BRI3: variants seen among roughly 807,000 people sequenced by gnomAD.
The protein encoded by BRI3 is brain protein I3.
A neutral mutation model predicts 12.8 loss-of-function variants in BRI3; 6 were observed. That is an observed-to-expected ratio of 0.47 (90% confidence interval 0.26 to 0.93). The LOEUF (loss-of-function observed/expected upper bound fraction) is 0.93. Ranked by LOEUF, BRI3 falls within the 40% of genes least tolerant of loss-of-function variation. The pLI is 0.15. For missense variants in BRI3, 134 were observed against 171.1 expected (o/e 0.78, Z 1.21); for synonymous variants, 91 against 76.1 (o/e 1.20, Z -1.02).
At chr7:98,307,727 C>G (rs901977066) in exon 2 of BRI3, 1 of 1,614,248 alleles carries the variant, frequency 6.2e-7, no homozygotes, top group Non-Finnish European at 8.5e-7. Flanking sequence ...GCCAGCCATC[C>G]TTCTCCTCGG....
chr7:98,317,094 C>T, the BRI3 span: 1 of 1,221,650 alleles, frequency 8.2e-7, no homozygotes, highest in Non-Finnish European at 1.2e-6. Flanking sequence ...CTCATATGAT[C>T]CTACTGCCTC....
At chr7:98,306,323 C>A, upstream of BRI3, 5 of 1,238,236 alleles carry the variant, frequency 4.0e-6, no homozygotes, top group Non-Finnish European at 4.7e-6. Context: ...TCTGACTAGT[C>A]CACGAGAGCT....
At chr7:98,295,660 G>A (rs1800160003), downstream of BRI3, among the ~76,000 whole-genome samples, 1 of 152,086 alleles carries the variant, frequency 6.6e-6, no homozygotes, top group Non-Finnish European at 1.5e-5. Context: ...TCCCACTGGA[G>A]TCATCTGACT....
chr7:98,295,962 A>G (rs1800171445), downstream of BRI3, among the ~76,000 whole-genome samples: 1 of 152,186 alleles, frequency 6.6e-6, no homozygotes, highest in South Asian at 2.1e-4. Flanking sequence ...CTGGGGCCCA[A>G]CAATCCTGCT....
downstream of BRI3, among the ~76,000 whole-genome samples, chr7:98,313,259 C>A (rs974502432): frequency 1.3e-5 from 2 of 151,998 alleles, no homozygotes; most frequent in African/African-American, 4.8e-5. Flanking sequence ...TTAAGGGAAG[C>A]CACAAAACCA....
downstream of BRI3, chr7:98,292,439 G>T (rs1420342221): frequency 3.4e-6 from 2 of 584,040 alleles, no homozygotes; most frequent in Non-Finnish European, 6.0e-6. Context: ...CTCACAAAAT[G>T]CTGGGATTCC....
chr7:98,301,862 G>A (rs912746336), upstream of BRI3, among the ~76,000 whole-genome samples: 1 of 152,164 alleles, frequency 6.6e-6, no homozygotes, highest in African/African-American at 2.4e-5. Context: ...AAGGGTGGTG[G>A]TGGTGTCCAC....
At chr7:98,282,058 G>A in intron 1 of BRI3, 121 bp downstream of exon 1, 2 of 1,293,708 alleles carry the variant, frequency 1.5e-6, no homozygotes, top group Non-Finnish European at 2.0e-6. Flanking sequence ...GGAGGTCCCC[G>A]GGCTGGCTTC....
chr7:98,297,215 T>C (rs947588935), downstream of BRI3, among the ~76,000 whole-genome samples: 1 of 152,174 alleles, frequency 6.6e-6, no homozygotes, highest in African/African-American at 2.4e-5. Flanking sequence ...AATCCAAGAA[T>C]CCAAAATGTG....
downstream of BRI3, among the ~76,000 whole-genome samples, chr7:98,296,095 G>A (rs1002989732): frequency 6.6e-6 from 1 of 152,158 alleles, no homozygotes; most frequent in Admixed American, 6.5e-5. Context: ...CAGCTTCTGT[G>A]CAGACAGCAG....
At chr7:98,308,591 C>T (rs1584436606) in exon 2 of BRI3, 1 of 306,224 alleles carries the variant, frequency 3.3e-6, no homozygotes, top group East Asian at 7.7e-5. Context: ...TACCCATGAG[C>T]ACGAGGCTGT....
exon 2 of BRI3, chr7:98,307,830 T>C (rs1010474038): frequency 1.2e-6 from 2 of 1,614,244 alleles, no homozygotes; most frequent in Non-Finnish European, 1.7e-6. Flanking sequence ...CACTTTCTGC[T>C]TCTTCATCAT....
At chr7:98,307,998 A>G (rs1053403996) in exon 2 of BRI3, 3 of 1,120,758 alleles carry the variant, frequency 2.7e-6, no homozygotes, top group Non-Finnish European at 4.1e-6. Flanking sequence ...TCATCTTGCC[A>G]ACAATGCTCC....
At chr7:98,281,965 G>T (rs993345459) in intron 1 of BRI3, 28 bp downstream of exon 1, 10 of 1,281,700 alleles carry the variant, frequency 7.8e-6, no homozygotes, top group Non-Finnish European at 9.8e-6. Context: ...TTTCCCCGCC[G>T]GCGGCTTCCG....
intron 2 of BRI3, among the ~76,000 whole-genome samples, chr7:98,283,847 C>T (rs1288686691): frequency 6.6e-6 from 1 of 152,172 alleles, no homozygotes; most frequent in African/African-American, 2.4e-5. Context: ...AACCCCTGAA[C>T]TTGGAGAGGT....
the BRI3 span, chr7:98,317,386 C>T: frequency 1.9e-6 from 3 of 1,610,018 alleles, no homozygotes; most frequent in South Asian, 3.3e-5. Flanking sequence ...GCTTATTTTA[C>T]TGTGGCACCA....
the BRI3 span, among the ~76,000 whole-genome samples, chr7:98,318,231 TTTC>T: frequency 6.6e-6 from 1 of 152,224 alleles, no homozygotes; most frequent in Non-Finnish European, 1.5e-5. Context: ...ACATCTTCTC[TTTC>T]TTTTATTCCT....
chr7:98,317,735 T>C, the BRI3 span, among the ~76,000 whole-genome samples: 10 of 127,006 alleles, frequency 7.9e-5, no homozygotes, highest in African/African-American at 9.1e-5. Context: ...CATCTGCATG[T>C]TGGCTGGGGA....
chr7:98,318,215 C>T, the BRI3 span, among the ~76,000 whole-genome samples: 3 of 152,342 alleles, frequency 2.0e-5, no homozygotes, highest in South Asian at 6.2e-4. Context: ...AGCCAAGTCT[C>T]TAAGGACATC....
Sources: gnomAD v4.1 joint callset for allele counts (sites outside exome capture counted in the v4.1 genomes callset) on GRCh38, gnomAD v4.1.1 for gene constraint, MANE v1.5 for transcripts, NCBI Gene and HGNC (gene_info 2026-07-23, HGNC 2026-07-21) for gene names.